Variants in CACNA1E observed in about 807,000 individuals in gnomAD.
The protein encoded by CACNA1E is voltage-dependent R-type calcium channel subunit alpha-1E.
A neutral mutation model predicts 259.2 loss-of-function variants in CACNA1E; 40 were observed. The observed-to-expected ratio is 0.15, with a 90% confidence interval of 0.12 to 0.20. The LOEUF is 0.20. Ranked by LOEUF, CACNA1E falls within the 10% of genes least tolerant of loss-of-function variation. The pLI is 1.00. For missense variants in CACNA1E, 1,874 were observed against 3,040.1 expected (o/e 0.62, Z 9.02); for synonymous variants, 1,104 against 1,138.5 (o/e 0.97, Z 0.61).
intron 7 of CACNA1E, among the ~76,000 whole-genome samples, chr1:181,662,489 C>G (rs1188490610): frequency 6.6e-6 from 1 of 152,154 alleles, no homozygotes; most frequent in Admixed American, 6.5e-5. Flanking sequence ...TATCACTTGC[C>G]AGCTATGACA....
intron 32 of CACNA1E, among the ~76,000 whole-genome samples, chr1:181,759,450 T>C (rs991282963): frequency 6.6e-6 from 1 of 151,084 alleles, no homozygotes; most frequent in Non-Finnish European, 1.5e-5. Flanking sequence ...GGAAGGATTC[T>C]GGAATTAAGT....
At chr1:181,729,896 C>A (rs1041677897) in intron 18 of CACNA1E, among the ~76,000 whole-genome samples, 1 of 152,208 alleles carries the variant, frequency 6.6e-6, no homozygotes, top group Non-Finnish European at 1.5e-5. Context: ...CTGTCTAAAG[C>A]GTACGCTTCT....
At chr1:181,626,323 C>A (rs367882434) in intron 6 of CACNA1E, among the ~76,000 whole-genome samples, 2 of 152,036 alleles carry the variant, frequency 1.3e-5, no homozygotes, top group African/African-American at 4.8e-5. Context: ...TACAATAAAA[C>A]GAAGTGCAGT....
chr1:181,542,303 A>G (rs1322324910), intron 3 of CACNA1E, among the ~76,000 whole-genome samples: 1 of 152,218 alleles, frequency 6.6e-6, no homozygotes, highest in Non-Finnish European at 1.5e-5. Context: ...CTTGCTTTTC[A>G]GAAGTGTTAA....
intron 7 of CACNA1E, among the ~76,000 whole-genome samples, chr1:181,690,034 T>C (rs1215586059): frequency 6.6e-6 from 1 of 152,174 alleles, no homozygotes; most frequent in East Asian, 1.9e-4. Flanking sequence ...GGTGTTTTAG[T>C]CGTGAAGTCT....
intron 1 of CACNA1E, among the ~76,000 whole-genome samples, chr1:181,358,534 G>A (rs1653624750): frequency 1.3e-5 from 2 of 152,184 alleles, no homozygotes; most frequent in Admixed American, 1.3e-4. Flanking sequence ...ATTATAAAGA[G>A]CTTCTTTATT....
chr1:181,617,365 C>T (rs989584420), intron 6 of CACNA1E, among the ~76,000 whole-genome samples: 2 of 151,784 alleles, frequency 1.3e-5, no homozygotes, highest in Non-Finnish European at 2.9e-5. Flanking sequence ...GCTGGAACAT[C>T]CTAAGTCTTC....
At position 181,733,682 on chromosome 1, in the gene CACNA1E, C is replaced by T. The variant is rs775285956; in HGVS notation, c.3194C>T (p.Thr1065Ile). Reference sequence around the variant, plus strand: ...ACGGCCAACACGGACAAGGCCACCACCGAGAGCACCAGCGTCACCGTCGCC... The same window carrying T: ...ACGGCCAACACGGACAAGGCCACCATCGAGAGCACCAGCGTCACCGTCGCC... ...CITANTDKAT[T>I]ESTSVTVAIP... Residue 1065 changes from threonine (T) to isoleucine (I), a missense_variant, in exon 21 of 48, where the codon ACC becomes ATC. Physicochemically the swap from Thr to Ile is moderately conservative, Grantham distance 89. This residue lies in a region of CACNA1E where 476 missense variants were observed against 514.0 expected (regional missense o/e 0.93). Coordinates refer to ENST00000367573, the MANE Select transcript of CACNA1E (RefSeq NM_001205293.3). 8 of 1,605,830 alleles carry T rather than the reference C, an allele frequency of 5.0e-6. No individual in the cohort carries two copies. The highest frequency in any genetic ancestry group is 6.8e-6 in the Non-Finnish European group (8 of 1,176,294).
At chr1:181,384,677 C>T (rs986144875) in intron 1 of CACNA1E, among the ~76,000 whole-genome samples, 3 of 152,134 alleles carry the variant, frequency 2.0e-5, no homozygotes, top group Non-Finnish European at 1.5e-5. Flanking sequence ...TGCTTCTCCT[C>T]CTATCTTGGA....
intron 3 of CACNA1E, among the ~76,000 whole-genome samples, chr1:181,558,103 GC>G (rs1648928860): frequency 6.6e-6 from 1 of 152,246 alleles, no homozygotes; most frequent in Admixed American, 6.5e-5. Context: ...AATTCCAGAA[GC>G]AAGTGACATT....
chr1:181,711,576 T>C (rs975908719), intron 8 of CACNA1E, among the ~76,000 whole-genome samples: 1 of 151,950 alleles, frequency 6.6e-6, no homozygotes, highest in African/African-American at 2.4e-5. Flanking sequence ...AATGATAAGG[T>C]GGTAAATATG....
chr1:181,735,669 T>G (rs138967132), intron 21 of CACNA1E, among the ~76,000 whole-genome samples: 1 of 152,310 alleles, frequency 6.6e-6, no homozygotes, highest in Non-Finnish European at 1.5e-5. Flanking sequence ...ATTTCTACAT[T>G]AACCATGGCC....
chr1:181,662,438 TAC>T (rs1647780249), intron 7 of CACNA1E, among the ~76,000 whole-genome samples: 1 of 152,146 alleles, frequency 6.6e-6, no homozygotes. Flanking sequence ...AGTAGTAAAA[TAC>T]AGACTCTAGA....
intron 2 of CACNA1E, among the ~76,000 whole-genome samples, chr1:181,445,640 C>CACAACAGGT (rs1660746468): frequency 6.6e-6 from 1 of 152,230 alleles, no homozygotes; most frequent in African/African-American, 2.4e-5. Context: ...GGTGATGTAG[C>CACAACAGGT]ACACAAGGGC....
At chr1:181,399,351 T>C (rs1287214718) in intron 1 of CACNA1E, among the ~76,000 whole-genome samples, 2 of 152,240 alleles carry the variant, frequency 1.3e-5, no homozygotes, top group Non-Finnish European at 2.9e-5. Context: ...ACATTGATTT[T>C]TGGCCTCTCT....
intron 35 of CACNA1E, among the ~76,000 whole-genome samples, chr1:181,769,547 ATT>A (rs1659317303): frequency 6.6e-6 from 1 of 151,606 alleles, no homozygotes; most frequent in Non-Finnish European, 1.5e-5. Flanking sequence ...AAGTGCTGGG[ATT>A]ACAGGTGTGA....
At chr1:181,421,931 A>T (rs780339139) in intron 2 of CACNA1E, among the ~76,000 whole-genome samples, 12 of 152,176 alleles carry the variant, frequency 7.9e-5, no homozygotes, top group Non-Finnish European at 1.6e-4. Context: ...CTGGCTCATA[A>T]AGCCCTATCC....
intron 2 of CACNA1E, among the ~76,000 whole-genome samples, chr1:181,442,949 G>A (rs78498415): frequency 3.9e-5 from 6 of 152,202 alleles, no homozygotes; most frequent in Middle Eastern, 3.4e-3. Flanking sequence ...CTGGTCACCC[G>A]GCCTCTCTGG....
At chr1:181,683,021 A>G (rs1558261601) in intron 7 of CACNA1E, among the ~76,000 whole-genome samples, 2 of 152,078 alleles carry the variant, frequency 1.3e-5, no homozygotes, top group Admixed American at 1.3e-4. Context: ...TTCCATGAAT[A>G]CCTTCCCCAG....
Sources: gnomAD v4.1 joint callset for allele counts (sites outside exome capture counted in the v4.1 genomes callset) on GRCh38, gnomAD v4.1.1 for gene constraint, gnomAD v4.1.1 regional missense constraint, MANE v1.5 for transcripts, NCBI Gene and HGNC (gene_info 2026-07-23, HGNC 2026-07-21) for gene names.